OTUD7A: variants seen among roughly 807,000 people sequenced by gnomAD.
OTUD7A encodes OTU domain-containing protein 7A.
Under a neutral mutation model 65.7 loss-of-function variants are expected in OTUD7A, and 12 were observed. That is an observed-to-expected ratio of 0.18 (90% CI 0.12 to 0.30). The LOEUF (loss-of-function observed/expected upper bound fraction) is 0.30, where lower values mean the gene tolerates loss of function less well. Ranked by LOEUF, OTUD7A falls within the 10% of genes least tolerant of loss-of-function variation. The probability of loss-of-function intolerance (pLI) is 1.00; values close to 1 mark genes in which losing one functional copy is unlikely to be tolerated. For missense variants in OTUD7A, 1,148 were observed against 1,304.8 expected (o/e 0.88, Z 1.85); for synonymous variants, 641 against 586.3 (o/e 1.09, Z -1.35).
At position 31,816,140 on chromosome 15, in the gene OTUD7A, A is replaced by C. The variant is rs143263821; in HGVS notation, c.-100+54367T>G. ...GCTTTGAGGGCTCCGGCCTCTTTCC[A>C]GCCCATATCAGAAGATGAAAAGCAG... On this transcript the variant is annotated intron_variant, in intron 1 of 12. Coordinates refer to ENST00000307050, the MANE Select transcript of OTUD7A (RefSeq NM_001382637.1). Among the ~76,000 whole-genome samples, 610 of 152,318 alleles carry C rather than the reference A, an allele frequency of 4.0e-3. 2 individuals carry two copies. The highest frequency in any genetic ancestry group is 6.2e-3 in the Non-Finnish European group (419 of 68,030).
chr15:31,511,249 T>C (rs1195000496), intron 8 of OTUD7A, among the ~76,000 whole-genome samples: 53 of 3,222 alleles, frequency 0.016, 15 homozygotes, highest in East Asian at 0.091. Flanking sequence ...GTAACACACA[T>C]ACATATGTAT....
chr15:31,749,427 C>T (rs569644764), intron 1 of OTUD7A, among the ~76,000 whole-genome samples: 1 of 152,230 alleles, frequency 6.6e-6, no homozygotes, highest in South Asian at 2.1e-4. Flanking sequence ...ACAGATATCC[C>T]CCATGAGCCA....
intron 1 of OTUD7A, among the ~76,000 whole-genome samples, chr15:31,743,578 A>C (rs1037262078): frequency 6.6e-6 from 1 of 152,122 alleles, no homozygotes; most frequent in African/African-American, 2.4e-5. Context: ...AGAAAGAAGG[A>C]AAAAAGAAAG....
intron 1 of OTUD7A, among the ~76,000 whole-genome samples, chr15:31,721,863 A>G (rs1422232975): frequency 6.6e-6 from 1 of 152,242 alleles, no homozygotes; most frequent in Non-Finnish European, 1.5e-5. Context: ...CAGCCTCCGC[A>G]TCGGACCCAG....
At chr15:31,814,695 T>C (rs1187801602) in intron 1 of OTUD7A, among the ~76,000 whole-genome samples, 1 of 152,044 alleles carries the variant, frequency 6.6e-6, no homozygotes, top group East Asian at 1.9e-4. Flanking sequence ...GGCTAACTTT[T>C]GTACTTTTAG....
At chr15:31,817,521 TG>T (rs1896581367) in intron 1 of OTUD7A, among the ~76,000 whole-genome samples, 1 of 152,214 alleles carries the variant, frequency 6.6e-6, no homozygotes, top group Non-Finnish European at 1.5e-5. Flanking sequence ...ATCTCTCCTT[TG>T]GGTCTTTCCT....
intron 1 of OTUD7A, among the ~76,000 whole-genome samples, chr15:31,699,175 G>T (rs1893154742): frequency 6.6e-6 from 1 of 151,116 alleles, no homozygotes. Context: ...CACCTCCTGA[G>T]TTCATGCCAT....
At chr15:31,503,268 A>G (rs948529905) in intron 9 of OTUD7A, among the ~76,000 whole-genome samples, 4 of 152,276 alleles carry the variant, frequency 2.6e-5, no homozygotes, top group East Asian at 1.9e-4. Context: ...CTTTTGCCAA[A>G]TGACTCTATG....
chr15:31,726,630 C>T lies in OTUD7A; in HGVS notation c.-99-69553G>A, dbSNP rs145109595. On this transcript the variant is annotated intron_variant, in intron 1 of 12. Coordinates refer to ENST00000307050, the MANE Select transcript of OTUD7A (RefSeq NM_001382637.1). Reference sequence around the variant, plus strand: ...ACCTAAACTAGCCCCTTTCCCAAGACGTATATTCCTTAAGAAATATGCCCT... The same window carrying T: ...ACCTAAACTAGCCCCTTTCCCAAGATGTATATTCCTTAAGAAATATGCCCT... 6.1e-4 allele frequency among the ~76,000 whole-genome samples: 93 copies of T among 152,268 alleles called. No individual in the cohort carries two copies. The South Asian group carries it at 8.9e-3, about 15-fold the overall frequency.
At chr15:31,619,457 T>G (rs1566946456) in intron 3 of OTUD7A, among the ~76,000 whole-genome samples, 1 of 152,176 alleles carries the variant, frequency 6.6e-6, no homozygotes. Flanking sequence ...CATTGAGTGG[T>G]TTGTAGTTCT....
intron 1 of OTUD7A, among the ~76,000 whole-genome samples, chr15:31,776,910 C>T (rs1895396180): frequency 6.6e-6 from 1 of 151,980 alleles, no homozygotes; most frequent in African/African-American, 2.4e-5. Context: ...CTAACCTGCA[C>T]ATTGTGCACC....
chr15:31,503,422 G>T (rs1049791538), intron 9 of OTUD7A, among the ~76,000 whole-genome samples: 1 of 152,200 alleles, frequency 6.6e-6, no homozygotes, highest in Admixed American at 6.5e-5. Flanking sequence ...CTAGGCACAC[G>T]ACAGGAGACA....
intron 3 of OTUD7A, among the ~76,000 whole-genome samples, chr15:31,613,361 C>T (rs1890487403): frequency 6.6e-6 from 1 of 152,134 alleles, no homozygotes; most frequent in Admixed American, 6.5e-5. Context: ...AACAGACAAC[C>T]TCCAGAGTGG....
At chr15:31,766,987 C>T (rs1268396100) in intron 1 of OTUD7A, 3 of 1,611,258 alleles carry the variant, frequency 1.9e-6, no homozygotes, top group African/African-American at 2.7e-5. Flanking sequence ...ATTATGACAA[C>T]TTCCTCCCAT....
chr15:31,663,527 A>T (rs1892231823), intron 1 of OTUD7A, among the ~76,000 whole-genome samples: 1 of 149,278 alleles, frequency 6.7e-6, no homozygotes, highest in South Asian at 2.1e-4. Context: ...AAGTGAGAAC[A>T]TGTGGTGTTT....
intron 1 of OTUD7A, among the ~76,000 whole-genome samples, chr15:31,801,053 CAA>C (rs772401103): frequency 1.4e-3 from 126 of 91,304 alleles, no homozygotes; most frequent in East Asian, 4.8e-3. Context: ...CCAGCAGCCT[CAA>C]AAAAAAAAAA....
intron 1 of OTUD7A, among the ~76,000 whole-genome samples, chr15:31,828,045 C>T (rs1285703109): frequency 6.6e-6 from 1 of 152,030 alleles, no homozygotes; most frequent in East Asian, 1.9e-4. Context: ...TTTGTGGCTT[C>T]CTGGTTAATC....
At chr15:31,517,194 T>C (rs2041871669) in intron 8 of OTUD7A, among the ~76,000 whole-genome samples, 1 of 152,100 alleles carries the variant, frequency 6.6e-6, no homozygotes, top group South Asian at 2.1e-4. Context: ...TAAACGCCTA[T>C]GTCCAGGTCC....
rs556220894 is a variant in OTUD7A at position 31,839,069 on chromosome 15, G to A, written c.-100+31438C>T. Among the ~76,000 whole-genome samples the A allele has an allele frequency of 4.6e-5, 7 of 152,360 alleles. No homozygotes were observed. The South Asian group carries it at 1.2e-3, about 27-fold the overall frequency. On this transcript the variant is annotated intron_variant, in intron 1 of 12. Coordinates refer to ENST00000307050, the MANE Select transcript of OTUD7A (RefSeq NM_001382637.1). Reference sequence around the variant, plus strand: ...AGCCCCTGCTCCATGGCACTCCATAGGGACAGCTGGTGGGAGAACCAGCAG... The same window carrying A: ...AGCCCCTGCTCCATGGCACTCCATAAGGACAGCTGGTGGGAGAACCAGCAG...
Sources: gnomAD v4.1 joint callset for allele counts (sites outside exome capture counted in the v4.1 genomes callset) on GRCh38, gnomAD v4.1.1 for gene constraint, MANE v1.5 for transcripts, NCBI Gene and HGNC (gene_info 2026-07-23, HGNC 2026-07-21) for gene names.